The following GRID1 variants were observed in gnomAD, a reference collection of about 807,000 sequenced individuals.
The protein encoded by GRID1 is glutamate receptor ionotropic, delta-1.
GRID1 carries 28 observed loss-of-function variants against 98.0 expected under a neutral mutation model. The observed-to-expected ratio is 0.29, with a 90% CI of 0.21 to 0.39. The LOEUF (loss-of-function observed/expected upper bound fraction) is 0.39. Among genes scored for constraint, GRID1 ranks in the 10% least tolerant of loss-of-function variants. The pLI is 1.00. For missense variants in GRID1, 1,111 were observed against 1,340.5 expected (o/e 0.83, Z 2.67); for synonymous variants, 553 against 538.5 (o/e 1.03, Z -0.37).
chr10:86,021,657 T>C (rs917685663), intron 4 of GRID1, among the ~76,000 whole-genome samples: 6 of 152,142 alleles, frequency 3.9e-5, no homozygotes, highest in Admixed American at 1.3e-4. Flanking sequence ...GTACCATGTT[T>C]GTTACAACTG....
intron 4 of GRID1, among the ~76,000 whole-genome samples, chr10:85,926,224 G>A (rs1417653343): frequency 1.3e-5 from 2 of 152,118 alleles, no homozygotes; most frequent in Non-Finnish European, 2.9e-5. Flanking sequence ...TGGATGGTGC[G>A]ACAGCTGGGG....
intron 3 of GRID1, among the ~76,000 whole-genome samples, chr10:86,182,356 G>A (rs758329968): frequency 2.6e-5 from 4 of 152,220 alleles, no homozygotes; most frequent in African/African-American, 4.8e-5. Flanking sequence ...GCCATTGATC[G>A]CCACTAATGA....
chr10:85,812,958 T>C (rs958740391), intron 8 of GRID1, among the ~76,000 whole-genome samples: 5 of 151,824 alleles, frequency 3.3e-5, no homozygotes, highest in Non-Finnish European at 7.4e-5. Flanking sequence ...AATGGCAGCA[T>C]TGGTACCTAA....
chr10:85,959,046 G>C (rs1304598506), intron 4 of GRID1, among the ~76,000 whole-genome samples: 3 of 152,106 alleles, frequency 2.0e-5, no homozygotes, highest in Non-Finnish European at 4.4e-5. Context: ...GTGTTGAGCT[G>C]GGGCATTGGT....
In GRID1 at chr10:85,863,967, A is replaced by G. The variant is rs562080799; in HGVS notation, c.951+5043T>C. 1.1e-4 allele frequency among the ~76,000 whole-genome samples: 16 copies of G among 152,366 alleles called. No homozygotes were observed. In the South Asian group the frequency reaches 3.1e-3, roughly 30 times the overall value. ...GTCAGAACCAGACCATTATCCTCCC[A>G]ACACCAAAGCTGGAAGTGTGGAAAA... On this transcript the variant is annotated intron_variant, in intron 6 of 15. Coordinates refer to ENST00000327946, the MANE Select transcript of GRID1 (RefSeq NM_017551.3).
chr10:85,821,625 G>T (rs1308838532), intron 8 of GRID1, among the ~76,000 whole-genome samples: 1 of 151,046 alleles, frequency 6.6e-6, no homozygotes, highest in Non-Finnish European at 1.5e-5. Context: ...ATTTGAGGGT[G>T]ATCCAAATAA....
intron 8 of GRID1, among the ~76,000 whole-genome samples, chr10:85,735,927 G>A (rs1841876244): frequency 6.9e-6 from 1 of 145,862 alleles, no homozygotes; most frequent in Non-Finnish European, 1.5e-5. Flanking sequence ...AGGAAGGAAG[G>A]AGAGAAGGCA....
At chr10:85,977,922 T>G (rs1000666205) in intron 4 of GRID1, among the ~76,000 whole-genome samples, 2 of 152,138 alleles carry the variant, frequency 1.3e-5, no homozygotes, top group African/African-American at 4.8e-5. Flanking sequence ...GTGCCCTGAA[T>G]GATGGACATG....
Position 85,737,673 on chromosome 10 carries a change from T to TATATGTATAA in GRID1, c.1234-8060_1234-8059insTTATACATAT, listed in dbSNP as rs1342754070. 1.3e-3 allele frequency among the ~76,000 whole-genome samples: 142 copies of TATATGTATAA among 113,036 alleles called. 4 individuals are homozygous for TATATGTATAA. The highest frequency in any genetic ancestry group is 4.8e-3 in the African/African-American group (135 of 28,184). 74.2% of individuals were successfully genotyped at this position (113,036 alleles called of 152,430 possible). A position where few individuals can be genotyped will look rare whatever the true frequency, so the allele number is the denominator to read the frequency against. ...ATATATATATATATATATATATATATAAACATATATGGTTATATATATATA... is the reference window on the plus strand; with the variant it reads ...ATATATATATATATATATATATATATATATGTATAAAAACATATATGGTTATATATATATA... On this transcript the variant is annotated intron_variant, in intron 8 of 15. Transcript: ENST00000327946.
intron 6 of GRID1, among the ~76,000 whole-genome samples, chr10:85,868,409 G>A (rs180897158): frequency 6.6e-6 from 1 of 152,298 alleles, no homozygotes; most frequent in East Asian, 1.9e-4. Context: ...ACAAGCTAGT[G>A]CCGACTGCAC....
At chr10:85,786,112 A>T (rs541476713) in intron 8 of GRID1, among the ~76,000 whole-genome samples, 1 of 152,298 alleles carries the variant, frequency 6.6e-6, no homozygotes, top group Non-Finnish European at 1.5e-5. Flanking sequence ...TATAAAATGA[A>T]TTTTTTTCAT....
At chr10:85,898,831 T>C (rs1841334208) in intron 5 of GRID1, among the ~76,000 whole-genome samples, 1 of 152,118 alleles carries the variant, frequency 6.6e-6, no homozygotes, top group Non-Finnish European at 1.5e-5. Flanking sequence ...CTAGAAGAGG[T>C]ACACTCTAAA....
At chr10:85,967,289 T>C (rs1364208132) in intron 4 of GRID1, among the ~76,000 whole-genome samples, 1 of 151,650 alleles carries the variant, frequency 6.6e-6, no homozygotes, top group Non-Finnish European at 1.5e-5. Context: ...ACAAAACTAG[T>C]CCATCAAAGT....
chr10:86,117,288 A>C (rs1170958474), intron 4 of GRID1, among the ~76,000 whole-genome samples: 1 of 151,288 alleles, frequency 6.6e-6, no homozygotes, highest in East Asian at 2.0e-4. Context: ...CAACACCATC[A>C]CCACCATCAC....
chr10:85,674,766 G>T (rs921591280), intron 12 of GRID1, among the ~76,000 whole-genome samples: 6 of 151,764 alleles, frequency 4.0e-5, no homozygotes, highest in African/African-American at 1.5e-4. Context: ...GAGTCAAATG[G>T]ATTACCTGAC....
At chr10:85,754,190 G>A (rs981333304) in intron 8 of GRID1, among the ~76,000 whole-genome samples, 1 of 152,136 alleles carries the variant, frequency 6.6e-6, no homozygotes, top group Non-Finnish European at 1.5e-5. Flanking sequence ...GGGGGGAGGG[G>A]ACTCACTTCC....
At chr10:86,085,531 C>A (rs1564670319) in intron 4 of GRID1, among the ~76,000 whole-genome samples, 1 of 152,186 alleles carries the variant, frequency 6.6e-6, no homozygotes, top group Non-Finnish European at 1.5e-5. Context: ...CTCCAGGGAC[C>A]TGGGTGGGGA....
At chr10:85,828,419 T>G (rs772794488) in intron 8 of GRID1, among the ~76,000 whole-genome samples, 1 of 150,110 alleles carries the variant, frequency 6.7e-6, no homozygotes, top group Non-Finnish European at 1.5e-5. Context: ...CCAAAGGGAG[T>G]AGTAAACAAG....
chr10:86,225,168 T>C (rs1846320372), intron 2 of GRID1, among the ~76,000 whole-genome samples: 2 of 152,112 alleles, frequency 1.3e-5, no homozygotes, highest in South Asian at 4.1e-4. Flanking sequence ...AGGTAGGGGC[T>C]GACATTTCCC....
Sources: gnomAD v4.1 joint callset for allele counts (sites outside exome capture counted in the v4.1 genomes callset) on GRCh38, gnomAD v4.1.1 for gene constraint, MANE v1.5 for transcripts, NCBI Gene and HGNC (gene_info 2026-07-23, HGNC 2026-07-21) for gene names.